Variants in CEP128 observed in about 807,000 individuals in gnomAD.
CEP128 encodes the protein centrosomal protein 128kDa.
Under a neutral mutation model 156.7 loss-of-function variants are expected in CEP128, and 132 were observed. That is an observed-to-expected ratio of 0.84 (90% CI 0.73 to 0.97). The LOEUF is 0.97. Among genes scored for constraint, CEP128 ranks in the 50% least tolerant of loss-of-function variants. The pLI is 0.00. For synonymous variants in CEP128, 469 were observed against 448.9 expected, an observed-to-expected ratio of 1.04 and a Z score of -0.57; for missense variants, 1,252 against 1,281.9, an observed-to-expected ratio of 0.98 and a Z score of 0.36.
In CEP128 at chr14:80,785,292, A is replaced by T; in HGVS notation, c.1814T>A (p.Met605Lys). Residue 605 changes from methionine (M) to lysine (K), a missense_variant, in exon 15 of 25, where the codon ATG (methionine) becomes AAG (lysine). By Grantham distance (95) the Met-to-Lys change is moderately conservative. Transcript: ENST00000555265. ...LKKQSKIQSQ[M>K]KVEKAHLEEE... ...CTCCAAGTGAGCTTTCTCAACTTTC[A>T]TCTGGCTTTGGATCTTACTCTGCTT... The T allele has an allele frequency of 6.2e-7, 1 of 1,614,148 alleles. No homozygotes were observed. The highest frequency in any genetic ancestry group is 8.5e-7 in the Non-Finnish European group (1 of 1,180,012).
At chr14:80,540,499 T>C (rs1044324155) in intron 21 of CEP128, among the ~76,000 whole-genome samples, 6 of 152,302 alleles carry the variant, frequency 3.9e-5, no homozygotes, top group South Asian at 2.1e-4. Flanking sequence ...AGGTAGGAGC[T>C]TGCAGCCAGG....
intron 8 of CEP128, among the ~76,000 whole-genome samples, chr14:80,871,155 C>T (rs770797140): frequency 1.9e-4 from 29 of 151,846 alleles, no homozygotes; most frequent in Non-Finnish European, 3.5e-4. Flanking sequence ...AACGTAGGCA[C>T]TATAGACCAT....
intron 8 of CEP128, among the ~76,000 whole-genome samples, chr14:80,871,209 A>G (rs1215074332): frequency 1.3e-5 from 2 of 152,114 alleles, no homozygotes; most frequent in Non-Finnish European, 2.9e-5. Flanking sequence ...GGATTTTTAA[A>G]CCTGGAGGAA....
chr14:80,666,995 C>A (rs1445767097), intron 19 of CEP128, among the ~76,000 whole-genome samples: 1 of 152,102 alleles, frequency 6.6e-6, no homozygotes, highest in African/African-American at 2.4e-5. Flanking sequence ...GCCAGAAAGC[C>A]ACTTCCAGGA....
At chr14:80,739,098 T>A (rs756202148) in intron 19 of CEP128, among the ~76,000 whole-genome samples, 19 of 152,228 alleles carry the variant, frequency 1.2e-4, no homozygotes, top group Non-Finnish European at 2.8e-4. Flanking sequence ...CTACTTCTCA[T>A]CCCTTCTCTC....
At chr14:80,646,364 T>C (rs74726385) in intron 19 of CEP128, among the ~76,000 whole-genome samples, 1 of 151,944 alleles carries the variant, frequency 6.6e-6, no homozygotes, top group Admixed American at 6.6e-5. Context: ...TTTTTTTTTT[T>C]GAAAAAGCAA....
intron 20 of CEP128, among the ~76,000 whole-genome samples, chr14:80,572,286 T>C (rs1446170802): frequency 6.6e-6 from 1 of 152,194 alleles, no homozygotes; most frequent in Non-Finnish European, 1.5e-5. Flanking sequence ...ACAGTTTCTT[T>C]TAATCATGTA....
chr14:80,532,002 T>A (rs1889248793), intron 21 of CEP128, among the ~76,000 whole-genome samples: 1 of 152,154 alleles, frequency 6.6e-6, no homozygotes, highest in Admixed American at 6.5e-5. Flanking sequence ...CATATTGGAT[T>A]TCACGTGAGT....
chr14:80,607,822 A>G (rs1449719873), intron 19 of CEP128, among the ~76,000 whole-genome samples: 1 of 152,182 alleles, frequency 6.6e-6, no homozygotes, highest in Non-Finnish European at 1.5e-5. Context: ...TAGATTATAC[A>G]ATAGCTTCCC....
At chr14:80,694,246 A>T (rs966384019) in intron 19 of CEP128, among the ~76,000 whole-genome samples, 4 of 152,222 alleles carry the variant, frequency 2.6e-5, no homozygotes, top group Admixed American at 1.3e-4. Flanking sequence ...ATTACTAAAA[A>T]GTCAGGAAAC....
chr14:80,608,650 T>C (rs563421115), intron 19 of CEP128, among the ~76,000 whole-genome samples: 13 of 152,318 alleles, frequency 8.5e-5, no homozygotes, highest in African/African-American at 2.4e-4. Context: ...CTTAAATGTA[T>C]CATGCTCTCT....
At chr14:80,640,958 G>A (rs1470471218) in intron 19 of CEP128, among the ~76,000 whole-genome samples, 1 of 152,156 alleles carries the variant, frequency 6.6e-6, no homozygotes, top group Non-Finnish European at 1.5e-5. Context: ...TAGTTACACA[G>A]CTTTAATTAA....
At chr14:80,755,713 A>C (rs1384419635) in intron 18 of CEP128, among the ~76,000 whole-genome samples, 1 of 152,206 alleles carries the variant, frequency 6.6e-6, no homozygotes, top group Non-Finnish European at 1.5e-5. Flanking sequence ...TTCAATACTT[A>C]TAGAGCTGTC....
At position 80,793,004 on chromosome 14, in the gene CEP128, TGCTTAC is replaced by T; in HGVS notation, c.1310_1315del (p.Arg437_Lys438del). The T allele has an allele frequency of 1.9e-6, 3 of 1,614,206 alleles. No individual in the cohort carries two copies. Among genetic ancestry groups the T allele is most frequent in the Non-Finnish European group, 2.5e-6 (3 of 1,180,034 alleles). The stretch of plus-strand genomic sequence containing the variant: ...CAGCTCTGAGATCTGAAGGTCAGCA[TGCTTAC>T]GCTCGGCCTCACATGTGTCAAAGTG... On this transcript the variant is annotated inframe_deletion, in exon 14 of 25. Coordinates refer to ENST00000555265, the MANE Select transcript of CEP128 (RefSeq NM_152446.5).
chr14:80,506,930 G>A (rs935703143), intron 23 of CEP128, among the ~76,000 whole-genome samples: 9 of 151,996 alleles, frequency 5.9e-5, no homozygotes, highest in African/African-American at 2.2e-4. Context: ...CTGGGAGGTG[G>A]TTGGGTCATG....
chr14:80,664,145 T>C (rs1253540257), intron 19 of CEP128, among the ~76,000 whole-genome samples: 3 of 152,168 alleles, frequency 2.0e-5, no homozygotes, highest in African/African-American at 4.8e-5. Flanking sequence ...ACATTAATTA[T>C]GGACAATAAT....
intron 21 of CEP128, among the ~76,000 whole-genome samples, chr14:80,558,328 T>C (rs1007565403): frequency 2.0e-5 from 3 of 152,098 alleles, no homozygotes; most frequent in South Asian, 4.1e-4. Context: ...AGTCTTGCAC[T>C]GTTGCACTGG....
intron 19 of CEP128, among the ~76,000 whole-genome samples, chr14:80,674,119 A>G (rs186570189): frequency 6.9e-4 from 105 of 152,160 alleles, no homozygotes; most frequent in African/African-American, 2.4e-3. Flanking sequence ...GGTACAGAAA[A>G]CTGGTAATCA....
At chr14:80,819,041 T>C (rs1359736827) in intron 13 of CEP128, among the ~76,000 whole-genome samples, 1 of 152,100 alleles carries the variant, frequency 6.6e-6, no homozygotes, top group African/African-American at 2.4e-5. Context: ...CAAGATGCTT[T>C]AACAAAGCAC....
Sources: allele counts gnomAD v4.1 joint callset (sites outside exome capture counted in the v4.1 genomes callset), GRCh38; gene constraint gnomAD v4.1.1; transcripts MANE v1.5; gene names NCBI Gene and HGNC (gene_info 2026-07-23, HGNC 2026-07-21).